Variants in PSMG2 observed in about 807,000 individuals in gnomAD.
PSMG2 encodes the protein CD40 ligand-activated specific transcript 3.
Under a neutral mutation model 31.5 loss-of-function variants are expected in PSMG2, and 21 were observed. That is an observed-to-expected ratio of 0.67 (90% CI 0.47 to 0.96). The LOEUF (loss-of-function observed/expected upper bound fraction) is 0.96. Ranked by LOEUF, PSMG2 falls within the 40% of genes least tolerant of loss-of-function variation. The probability of loss-of-function intolerance (pLI) is 0.00; values close to 1 mark genes in which losing one functional copy is unlikely to be tolerated. For missense variants in PSMG2, 318 were observed against 321.2 expected, an observed-to-expected ratio of 0.99 and a Z score of 0.08; for synonymous variants, 120 against 110.4, an observed-to-expected ratio of 1.09 and a Z score of -0.54.
At chr18:12,679,084 A>C (rs759173220) in intron 1 of PSMG2, 1 of 152,240 alleles carries the variant, frequency 6.6e-6, no homozygotes, top group Non-Finnish European at 1.5e-5. Flanking sequence ...GAATGAAAAG[A>C]GGGCCCAGGG....
chr18:12,694,519 C>A (rs2039879555), intron 1 of PSMG2, among the ~76,000 whole-genome samples: 1 of 152,120 alleles, frequency 6.6e-6, no homozygotes, highest in Non-Finnish European at 1.5e-5. Flanking sequence ...AGAGACCTGA[C>A]AGTGGAATTA....
At chr18:12,695,486 C>A in intron 1 of PSMG2, 1 of 452,850 alleles carries the variant, frequency 2.2e-6, no homozygotes, top group Non-Finnish European at 4.0e-6. Context: ...TCAACATTAC[C>A]TTTAATATTC....
At chr18:12,679,786 G>A (rs1028632313) in intron 1 of PSMG2, among the ~76,000 whole-genome samples, 8 of 152,162 alleles carry the variant, frequency 5.3e-5, no homozygotes, top group African/African-American at 1.7e-4. Context: ...ATGCCAGCCA[G>A]GTGTGGTGGC....
At chr18:12,695,884 ACT>A (rs1491051286) in intron 1 of PSMG2, among the ~76,000 whole-genome samples, 2 of 150,388 alleles carry the variant, frequency 1.3e-5, no homozygotes, top group African/African-American at 4.9e-5. Context: ...ACACACACAC[ACT>A]AAAAATTAGA....
chr18:12,715,306 G>A (rs1309119014), intron 3 of PSMG2, among the ~76,000 whole-genome samples: 8 of 152,112 alleles, frequency 5.3e-5, no homozygotes, highest in Admixed American at 5.2e-4. Flanking sequence ...ACCACACCCA[G>A]CCGAAAGTAA....
chr18:12,703,440 T>C (rs368659438), intron 1 of PSMG2, among the ~76,000 whole-genome samples: 15 of 152,346 alleles, frequency 9.8e-5, no homozygotes, highest in East Asian at 1.9e-4. Context: ...ACTGTACTTA[T>C]GTTTTGCAGG....
upstream of PSMG2, chr18:12,703,036 G>C (rs1317742172): frequency 4.5e-6 from 7 of 1,547,084 alleles, no homozygotes; most frequent in Admixed American, 1.9e-5. Context: ...GGGGTCTCGG[G>C]CTTCCGCCTT....
At chr18:12,691,382 G>A (rs776748119) in intron 1 of PSMG2, 17 of 1,598,212 alleles carry the variant, frequency 1.1e-5, no homozygotes, top group Non-Finnish European at 1.5e-5. Context: ...TTAACCAGTC[G>A]TGAGTTGTGT....
Position 12,724,736 on chromosome 18 carries a change from C to G in PSMG2, c.702+117C>G, listed in dbSNP as rs529141939. On this transcript the variant is annotated intron_variant, in intron 6 of 6. Transcript: ENST00000317615. ...ACGTTTGTATTAAATATAGACATAT[C>G]TTTACATAAAATTTAGTTTAAGCTG... 5 of 1,087,306 alleles carry G rather than the reference C, an allele frequency of 4.6e-6. No individual in the cohort carries two copies. The East Asian group carries it at 1.5e-4, about 33-fold the overall frequency. 67.4% of individuals were successfully genotyped at this position (1,087,306 alleles called of 1,614,324 possible).
At chr18:12,684,485 GT>G (rs34972678) in intron 1 of PSMG2, 55,769 of 141,960 alleles carry the variant, frequency 0.39, 10,827 homozygotes, top group Non-Finnish European at 0.45. Context: ...ATAGTTTTTT[GT>G]TTTTTTTTTT....
At chr18:12,695,392 T>C (rs2039916932) in intron 1 of PSMG2, 2 of 955,326 alleles carry the variant, frequency 2.1e-6, no homozygotes, top group South Asian at 1.7e-5. Flanking sequence ...ATTTCAATAC[T>C]ATATATATTT....
Position 12,725,616 on chromosome 18 carries a change from C to G in PSMG2, c.*85C>G. ...ATTCTATACAAAAAAATTGTATGAT[C>G]TGGTATTAGGAAATTACTTTCACAG... On this transcript the variant is annotated 3_prime_UTR_variant, in exon 7 of 7. Transcript: ENST00000317615. 2.1e-6 allele frequency: 2 copies of G among 966,312 alleles called. No homozygotes were observed. The highest frequency in any genetic ancestry group is 1.5e-6 in the Non-Finnish European group (1 of 663,984). The allele number at this position is 966,312 out of a possible 1,614,324, so 59.9% of individuals were successfully genotyped here.
chr18:12,718,400 G>A (rs1050116842), intron 3 of PSMG2, 117 bp from the exon 4 acceptor site: 22 of 499,050 alleles, frequency 4.4e-5, no homozygotes, highest in African/African-American at 3.7e-4. Flanking sequence ...AATAATTTCA[G>A]TATATATAAA....
chr18:12,702,868 A>G (rs888465179), upstream of PSMG2: 5 of 571,552 alleles, frequency 8.7e-6, no homozygotes, highest in African/African-American at 8.0e-5. Flanking sequence ...AGCGCACCCC[A>G]TCGCCTTGCT....
At chr18:12,690,781 C>T (rs753004761) in intron 1 of PSMG2, among the ~76,000 whole-genome samples, 228 of 152,124 alleles carry the variant, frequency 1.5e-3, no homozygotes, top group Non-Finnish European at 2.4e-3. Flanking sequence ...TTATATTGGT[C>T]TGTTAAAGAG....
intron 1 of PSMG2, chr18:12,663,608 T>G (rs1440718306): frequency 6.6e-6 from 1 of 152,176 alleles, no homozygotes; most frequent in African/African-American, 2.4e-5. Flanking sequence ...AAGTTTGATG[T>G]TTGACAATAA....
intron 1 of PSMG2, among the ~76,000 whole-genome samples, chr18:12,705,417 T>G (rs2040254823): frequency 6.6e-6 from 1 of 151,962 alleles, no homozygotes; most frequent in South Asian, 2.1e-4. Flanking sequence ...GTTTATAGTT[T>G]TGGACATGTG....
chr18:12,687,486 C>G (rs1009748180), intron 1 of PSMG2, among the ~76,000 whole-genome samples: 1 of 145,060 alleles, frequency 6.9e-6, no homozygotes, highest in Non-Finnish European at 1.5e-5. Context: ...GACAGAGTCT[C>G]GCTGTTGTCC....
intron 1 of PSMG2, among the ~76,000 whole-genome samples, chr18:12,682,784 G>A (rs1181042355): frequency 6.6e-6 from 1 of 151,804 alleles, no homozygotes; most frequent in African/African-American, 2.4e-5. Flanking sequence ...ACCACACCCA[G>A]CTAATTTTTG....
Sources: allele counts gnomAD v4.1 joint callset (sites outside exome capture counted in the v4.1 genomes callset), GRCh38; gene constraint gnomAD v4.1.1; transcripts MANE v1.5; gene names NCBI Gene and HGNC (gene_info 2026-07-23, HGNC 2026-07-21).